MEGF10: variants seen among roughly 807,000 people sequenced by gnomAD.
MEGF10 encodes the protein multiple epidermal growth factor-like domains protein 10.
MEGF10 carries 86 observed loss-of-function variants against 147.5 expected under a neutral mutation model. The ratio of observed to expected loss-of-function variants is 0.58; its 90% CI spans 0.49 to 0.70. The LOEUF is 0.70. MEGF10 is among the 30% of genes least tolerant of loss of function. The pLI is 0.00. For missense variants in MEGF10, 1,329 were observed against 1,487.3 expected (o/e 0.89, Z 1.75); for synonymous variants, 478 against 525.5 (o/e 0.91, Z 1.24).
At chr5:127,351,719 A>C (rs1312712228) in intron 4 of MEGF10, among the ~76,000 whole-genome samples, 1 of 152,208 alleles carries the variant, frequency 6.6e-6, no homozygotes, top group African/African-American at 2.4e-5. Flanking sequence ...CTACAAGGGC[A>C]TCTTTATTCT....
the MEGF10 span, among the ~76,000 whole-genome samples, chr5:127,235,390 G>A: frequency 6.6e-6 from 1 of 152,088 alleles, no homozygotes; most frequent in Non-Finnish European, 1.5e-5. Flanking sequence ...TCCTCCCTAC[G>A]ACCATTTGAT....
At chr5:127,250,003 C>A in the MEGF10 span, among the ~76,000 whole-genome samples, 97 of 152,162 alleles carry the variant, frequency 6.4e-4, no homozygotes, top group African/African-American at 2.3e-3. Flanking sequence ...AGGGAGGAGC[C>A]CTCATGGCCT....
chr5:127,385,947 AT>A (rs1763412860), intron 5 of MEGF10, among the ~76,000 whole-genome samples: 2 of 152,308 alleles, frequency 1.3e-5, no homozygotes, highest in South Asian at 4.1e-4. Context: ...TCTACAAAAT[AT>A]TTTTAAAAAA....
chr5:127,279,586 TCCC>T, the MEGF10 span, among the ~76,000 whole-genome samples: 1 of 152,114 alleles, frequency 6.6e-6, no homozygotes, highest in Non-Finnish European at 1.5e-5. Context: ...CAGCAGTTCC[TCCC>T]ACCGCAGAAA....
the MEGF10 span, among the ~76,000 whole-genome samples, chr5:127,260,027 T>C: frequency 6.6e-6 from 1 of 151,866 alleles, no homozygotes; most frequent in African/African-American, 2.4e-5. Flanking sequence ...CATGGTGGTG[T>C]GTGCCTATAA....
In MEGF10 at chr5:127,447,623, C is replaced by G; in HGVS notation, c.2795C>G (p.Thr932Arg). The G allele has an allele frequency of 1.2e-6, 2 of 1,614,142 alleles. No individual in the cohort carries two copies. Among genetic ancestry groups the G allele is most frequent in the South Asian group, 1.1e-5 (1 of 91,076 alleles). The change falls in exon 21 of 25, where the codon ACG becomes AGG. Residue 932 changes from threonine to arginine, a missense_variant. Physicochemically the swap from Thr to Arg is moderately conservative, Grantham distance 71 (BLOSUM62 -1). Coordinates refer to ENST00000503335, the MANE Select transcript of MEGF10 (RefSeq NM_001256545.2). ...SHYFTNPSYHTLTQCATSPHV... is the reference protein window; with the variant it reads ...SHYFTNPSYHRLTQCATSPHV... ...TACTTCACCAATCCCAGTTACCACA[C>G]GCTCACCCAGTGTGCCACATCCCCT...
rs1298875157 is a variant in MEGF10 at position 127,433,153 on chromosome 5, G to A, written c.1694-210G>A. Among the ~76,000 whole-genome samples, 7 of 152,106 alleles carry A rather than the reference G, an allele frequency of 4.6e-5. No individual in the cohort carries two copies. The East Asian group carries it at 5.8e-4, about 13-fold the overall frequency. On this transcript the variant is annotated intron_variant, in intron 13 of 24. Transcript: ENST00000503335. ...TCAATATAACAAAAGTTTGTTATTC[G>A]TTCTTCATGACTCCATAGAAAATCG...
intron 1 of MEGF10, among the ~76,000 whole-genome samples, chr5:127,330,680 CA>C (rs1761218983): frequency 6.6e-6 from 1 of 152,154 alleles, no homozygotes; most frequent in South Asian, 2.1e-4. Flanking sequence ...GAAATTGAAG[CA>C]CTATGTTTAA....
intron 5 of MEGF10, among the ~76,000 whole-genome samples, chr5:127,396,287 G>C (rs989035781): frequency 3.3e-5 from 5 of 152,184 alleles, no homozygotes; most frequent in African/African-American, 9.7e-5. Context: ...TAAAGGCATG[G>C]AGACTTTTTA....
At chr5:127,424,617 C>A in intron 13 of MEGF10, 1 of 1,265,988 alleles carries the variant, frequency 7.9e-7, no homozygotes. Flanking sequence ...TGCTTGATTT[C>A]TAGTGTCTGA....
chr5:127,239,476 A>AT, the MEGF10 span, among the ~76,000 whole-genome samples: 54 of 142,526 alleles, frequency 3.8e-4, no homozygotes, highest in East Asian at 2.2e-3. Flanking sequence ...ATATATATAT[A>AT]ATATATATAC....
the MEGF10 span, among the ~76,000 whole-genome samples, chr5:127,242,646 T>C: frequency 1.3e-5 from 2 of 152,352 alleles, no homozygotes; most frequent in South Asian, 4.1e-4. Flanking sequence ...ATTATCAACT[T>C]AGTTACTGTT....
At chr5:127,320,261 C>T (rs956179017) in intron 1 of MEGF10, among the ~76,000 whole-genome samples, 11 of 152,138 alleles carry the variant, frequency 7.2e-5, no homozygotes, top group Non-Finnish European at 1.5e-4. Flanking sequence ...TCTCCACCTG[C>T]CCCCATGGCA....
chr5:127,247,458 GAAGAA>G, the MEGF10 span, among the ~76,000 whole-genome samples: 4 of 134,602 alleles, frequency 3.0e-5, 1 homozygote, highest in African/African-American at 8.7e-5. Flanking sequence ...AGAAGAAGAA[GAAGAA>G]GAAGAAGAAG....
the MEGF10 span, among the ~76,000 whole-genome samples, chr5:127,247,418 A>ATTT: frequency 1.1e-5 from 1 of 87,210 alleles, no homozygotes; most frequent in Non-Finnish European, 2.2e-5. Flanking sequence ...AAGAAGAAGA[A>ATTT]GAAGAAGAAG....
In MEGF10 at chr5:127,445,579, C is replaced by T; in HGVS notation, c.2614C>T (p.Leu872=). 6.2e-7 allele frequency: 1 copy of T among 1,614,072 alleles called. No homozygotes were observed. Among genetic ancestry groups the T allele is most frequent in the Non-Finnish European group, 8.5e-7 (1 of 1,180,002 alleles). ...CATTCTTGTCCTAGTTGTTCTCTTC[C>T]TACTGGCATTGTTCATTATTTATAG... is the stretch of plus-strand genomic sequence containing the variant. The part of the protein sequence containing the change: ...IIILVLVVLF[L]LALFIIYRHK... Residue 872 remains leucine, a synonymous_variant, in exon 20 of 25, where the codon CTA becomes TTA. Coordinates refer to ENST00000503335, the MANE Select transcript of MEGF10 (RefSeq NM_001256545.2).
chr5:127,348,950 G>A (rs1165535898), intron 4 of MEGF10, among the ~76,000 whole-genome samples: 1 of 151,972 alleles, frequency 6.6e-6, no homozygotes, highest in East Asian at 1.9e-4. Flanking sequence ...TAAAATATAG[G>A]CTGGATGCGG....
chr5:127,305,232 C>T (rs1387472019), intron 1 of MEGF10, among the ~76,000 whole-genome samples: 3 of 152,120 alleles, frequency 2.0e-5, no homozygotes, highest in African/African-American at 7.2e-5. Flanking sequence ...TGAAATAGAT[C>T]AAAACTAGTG....
rs76847686 is a variant in MEGF10 at position 127,413,791 on chromosome 5, T to C, written c.1130+3190T>C. 2.3e-3 allele frequency among the ~76,000 whole-genome samples: 349 copies of C among 152,298 alleles called. 3 individuals carry two copies. Among genetic ancestry groups the C allele is most frequent in the Middle Eastern group, 0.01 (3 of 294 alleles). On this transcript the variant is annotated intron_variant, in intron 9 of 24. Transcript: ENST00000503335. Reference sequence around the variant, plus strand: ...CTAGCTTCCTACATCTAATTATAAATTGCAGAATACTAATTTTGGTGTCAA... The same window carrying C: ...CTAGCTTCCTACATCTAATTATAAACTGCAGAATACTAATTTTGGTGTCAA...
Sources: allele counts gnomAD v4.1 joint callset (sites outside exome capture counted in the v4.1 genomes callset), GRCh38; gene constraint gnomAD v4.1.1; transcripts MANE v1.5; gene names NCBI Gene and HGNC (gene_info 2026-07-23, HGNC 2026-07-21).